SMOC2: variants seen among roughly 807,000 people sequenced by gnomAD.
SMOC2 encodes the protein SPARC related modular calcium binding 2.
In SMOC2, 39 loss-of-function variants were observed where a neutral mutation model predicts 61.4. The ratio of observed to expected loss-of-function variants is 0.64; its 90% CI spans 0.49 to 0.83. The LOEUF is 0.83. SMOC2 is among the 40% of genes least tolerant of loss of function. The probability of loss-of-function intolerance (pLI) is 0.00; values close to 1 mark genes in which losing one functional copy is unlikely to be tolerated. For missense variants in SMOC2, 556 were observed against 592.9 expected, an observed-to-expected ratio of 0.94 and a Z score of 0.65; for synonymous variants, 247 against 239.9, an observed-to-expected ratio of 1.03 and a Z score of -0.27.
intron 7 of SMOC2, 133 bp downstream of exon 7, chr6:168,549,336 G>T: frequency 1.4e-6 from 1 of 718,756 alleles, no homozygotes; most frequent in Non-Finnish European, 2.3e-6. Flanking sequence ...TGCAGACCTG[G>T]CACAAACATC....
intron 7 of SMOC2, among the ~76,000 whole-genome samples, chr6:168,594,285 T>G (rs866194699): frequency 0.021 from 260 of 12,568 alleles, no homozygotes; most frequent in African/African-American, 0.066. Flanking sequence ...CTAGAGGATC[T>G]CCGAGCTCCT....
intron 2 of SMOC2, among the ~76,000 whole-genome samples, chr6:168,512,245 C>T (rs1027552899): frequency 2.6e-5 from 4 of 152,040 alleles, no homozygotes; most frequent in Admixed American, 2.0e-4. Flanking sequence ...CACAGGAAGT[C>T]GTGGGCAGAA....
chr6:168,506,174 T>A (rs961014659), intron 1 of SMOC2, among the ~76,000 whole-genome samples: 1 of 152,048 alleles, frequency 6.6e-6, no homozygotes. Flanking sequence ...GTGCACTTTA[T>A]TTTGTTACAC....
intron 8 of SMOC2, among the ~76,000 whole-genome samples, chr6:168,599,471 AC>A (rs1785452621): frequency 9.5e-6 from 1 of 105,820 alleles, no homozygotes; most frequent in Admixed American, 1.1e-4. Context: ...ACCCACTCAC[AC>A]CCACACACAA....
At chr6:168,617,162 T>C (rs1490433009) in intron 9 of SMOC2, among the ~76,000 whole-genome samples, 1 of 152,048 alleles carries the variant, frequency 6.6e-6, no homozygotes, top group Non-Finnish European at 1.5e-5. Flanking sequence ...TAAGGAGACA[T>C]TGGAGGTTTG....
At chr6:168,661,153 A>G (rs1217074388) in intron 11 of SMOC2, among the ~76,000 whole-genome samples, 1 of 151,934 alleles carries the variant, frequency 6.6e-6, no homozygotes, top group Non-Finnish European at 1.5e-5. Flanking sequence ...ATTATCAGTT[A>G]TATGTTTTGT....
Position 168,526,376 on chromosome 6 carries a change from A to G in SMOC2, c.287A>G (p.Tyr96Cys). ...DVSRCVAERK[Y>C]TQEQARKEFQ... is the part of the protein sequence containing the mutation. Reference sequence around the variant, plus strand: ...TCCAGGTGTGTGGCCGAAAGGAAGTATACCCAGGAGCAAGCCCGGAAGGAG... The same window carrying G: ...TCCAGGTGTGTGGCCGAAAGGAAGTGTACCCAGGAGCAAGCCCGGAAGGAG... Residue 96 changes from tyrosine (Y) to cysteine (C), a missense_variant, in exon 3 of 13, where the codon TAT becomes TGT. Tyr to Cys is a radical substitution (Grantham distance 194, BLOSUM62 -2). Coordinates refer to ENST00000356284, the MANE Select transcript of SMOC2 (RefSeq NM_001166412.2). 1 of 1,614,222 alleles carries G rather than the reference A, an allele frequency of 6.2e-7. No individual in the cohort carries two copies. The highest frequency in any genetic ancestry group is 8.5e-7 in the Non-Finnish European group (1 of 1,180,038).
At chr6:168,527,923 G>T (rs1160967537) in intron 4 of SMOC2, among the ~76,000 whole-genome samples, 196 bp downstream of exon 4, 1 of 152,252 alleles carries the variant, frequency 6.6e-6, no homozygotes, top group Non-Finnish European at 1.5e-5. Context: ...GAGGGGAAGG[G>T]TGAAGCTGTG....
chr6:168,538,745 A>C (rs1432143136), intron 4 of SMOC2, among the ~76,000 whole-genome samples: 1 of 62,058 alleles, frequency 1.6e-5, no homozygotes, highest in African/African-American at 7.0e-5. Context: ...AATGTGGGGG[A>C]GTGGGGTGAC....
chr6:168,484,905 A>T (rs1782294034), intron 1 of SMOC2, among the ~76,000 whole-genome samples: 1 of 152,212 alleles, frequency 6.6e-6, no homozygotes, highest in Admixed American at 6.5e-5. Context: ...CAACAAAGTC[A>T]TAGAGACAAA....
intron 7 of SMOC2, among the ~76,000 whole-genome samples, chr6:168,554,743 C>T (rs2115114149): frequency 6.6e-6 from 1 of 152,342 alleles, no homozygotes; most frequent in Middle Eastern, 3.4e-3. Context: ...CTTTCCTTAA[C>T]ACCGTGTGCC....
In SMOC2 at chr6:168,553,627, G is replaced by T. The variant is rs1397188015; in HGVS notation, c.637+4424G>T. Among the ~76,000 whole-genome samples, 3 of 152,148 alleles carry T rather than the reference G, an allele frequency of 2.0e-5. No individual in the cohort carries two copies. Among genetic ancestry groups the T allele is most frequent in the Non-Finnish European group, 4.4e-5 (3 of 68,038 alleles). ...GAATTACCAACACCAAGGTGCTTAG[G>T]GTTTCATGACCCATTCATAATAAAA... On this transcript the variant is annotated intron_variant, in intron 7 of 12. Transcript: ENST00000356284. This position sits in a 1 kb window ranked among gnomAD's most constrained non-coding sequence, Gnocchi z 4.2.
At chr6:168,618,566 G>A (rs1049845449) in intron 9 of SMOC2, among the ~76,000 whole-genome samples, 4 of 150,552 alleles carry the variant, frequency 2.7e-5, no homozygotes, top group Non-Finnish European at 5.9e-5. Flanking sequence ...AACGAGGGTC[G>A]AGAGGTGGGT....
chr6:168,527,201 T>A (rs1783476170), intron 3 of SMOC2, among the ~76,000 whole-genome samples: 1 of 152,098 alleles, frequency 6.6e-6, no homozygotes, highest in African/African-American at 2.4e-5. Flanking sequence ...GACAGGCTGT[T>A]CTGGCCCTGG....
intron 1 of SMOC2, among the ~76,000 whole-genome samples, chr6:168,509,341 A>C (rs958123472): frequency 6.6e-6 from 1 of 152,238 alleles, no homozygotes; most frequent in Non-Finnish European, 1.5e-5. Flanking sequence ...TCATTCATTC[A>C]ACAAACATTT....
At chr6:168,540,707 A>G (rs7763997) in intron 4 of SMOC2, among the ~76,000 whole-genome samples, 4,688 of 152,244 alleles carry the variant, frequency 0.031, 216 homozygotes, top group African/African-American at 0.1. Flanking sequence ...AGAAAAGCCC[A>G]ATAGCACAGA....
intron 9 of SMOC2, among the ~76,000 whole-genome samples, chr6:168,648,758 CAT>C (rs1383213793): frequency 7.2e-5 from 11 of 152,192 alleles, no homozygotes; most frequent in South Asian, 2.1e-4. Flanking sequence ...TGTTTTCTGA[CAT>C]GTGTGTTTAA....
chr6:168,539,562 G>A (rs893544468), intron 4 of SMOC2, among the ~76,000 whole-genome samples: 8 of 152,244 alleles, frequency 5.3e-5, no homozygotes, highest in Admixed American at 2.0e-4. Context: ...CCAGGACAGC[G>A]GGCTCAGGCC....
intron 4 of SMOC2, among the ~76,000 whole-genome samples, chr6:168,531,561 G>A (rs1028616061): frequency 1.3e-5 from 2 of 152,170 alleles, no homozygotes; most frequent in Non-Finnish European, 2.9e-5. Context: ...AGACCCAGGG[G>A]GGATTTGGGG....
Sources: gnomAD v4.1 joint callset for allele counts (sites outside exome capture counted in the v4.1 genomes callset) on GRCh38, gnomAD v4.1.1 for gene constraint, Gnocchi (gnomAD v3.1) non-coding constraint, MANE v1.5 for transcripts, NCBI Gene and HGNC (gene_info 2026-07-23, HGNC 2026-07-21) for gene names.